CCR5AS: variants seen among roughly 807,000 people sequenced by gnomAD.
CCR5AS encodes the protein CCR5 antisense RNA.
chr3:46,387,407 C>T (rs1175107702), intron 2 of CCR5AS, among the ~76,000 whole-genome samples: 2 of 152,186 alleles, frequency 1.3e-5, no homozygotes, highest in Non-Finnish European at 2.9e-5. Context: ...CAAACCTGAG[C>T]CATCCTCTTC....
intron 2 of CCR5AS, chr3:46,373,481 C>G (rs56345960): frequency 1.5e-6 from 2 of 1,316,402 alleles, no homozygotes; most frequent in African/African-American, 2.8e-5. Flanking sequence ...GGAAGAATTT[C>G]CAGACATTAA....
intron 2 of CCR5AS, among the ~76,000 whole-genome samples, chr3:46,378,134 G>A (rs1354050227): frequency 2.0e-5 from 3 of 152,270 alleles, no homozygotes; most frequent in South Asian, 4.1e-4. Context: ...AGGCAAAAAC[G>A]TGAAAACATT....
At position 46,393,564 on chromosome 3, in the gene CCR5AS, T is replaced by C. The variant is rs529379586; in HGVS notation, n.164-512A>G. ...AAATTATAGGGAAAAGTGTCACTAA[T>C]TCAAGGGAATTGCACTGAAAATTAT... is the stretch of plus-strand genomic sequence containing the variant. On this transcript the variant is annotated intron_variant and non_coding_transcript_variant, in intron 1 of 3. Transcript: ENST00000451485. Among the ~76,000 whole-genome samples the C allele has an allele frequency of 4.6e-5, 7 of 152,220 alleles. No individual in the cohort carries two copies. The South Asian group carries it at 1.5e-3, about 32-fold the overall frequency.
intron 3 of CCR5AS, among the ~76,000 whole-genome samples, chr3:46,368,197 G>T (rs1701618475): frequency 2.0e-5 from 3 of 152,198 alleles, no homozygotes; most frequent in Admixed American, 2.0e-4. Context: ...CCAAAAAGGA[G>T]GGATGGCACG....
At chr3:46,377,500 A>G (rs1169342037) in intron 2 of CCR5AS, among the ~76,000 whole-genome samples, 2 of 152,240 alleles carry the variant, frequency 1.3e-5, no homozygotes, top group Non-Finnish European at 2.9e-5. Flanking sequence ...CTTAGTTTAA[A>G]TCGCTCTGAA....
chr3:46,403,753 C>T (rs1018339503), intron 1 of CCR5AS, among the ~76,000 whole-genome samples: 2 of 152,196 alleles, frequency 1.3e-5, no homozygotes, highest in Admixed American at 6.5e-5. Flanking sequence ...GGAAGACGCT[C>T]TTGGAGTGCC....
At chr3:46,366,400 G>A (rs745439308) in intron 3 of CCR5AS, among the ~76,000 whole-genome samples, 1 of 152,194 alleles carries the variant, frequency 6.6e-6, no homozygotes, top group Non-Finnish European at 1.5e-5. Flanking sequence ...TGAACTGTTA[G>A]CTTAGACATC....
At chr3:46,388,938 T>C (rs1701884768) in intron 2 of CCR5AS, among the ~76,000 whole-genome samples, 1 of 152,124 alleles carries the variant, frequency 6.6e-6, no homozygotes, top group African/African-American at 2.4e-5. Context: ...GGATTGGGGA[T>C]AGTACCAGGA....
rs184279915 is a variant in CCR5AS, at chr3:46,373,708, G to T, written n.392-2291C>A. ...CAGGAATTCTTTGGCCTGAATAATT[G>T]CAGTAGCTCTAACAGGTTGGACCAA... On this transcript the variant is annotated intron_variant and non_coding_transcript_variant, in intron 2 of 3. Transcript: ENST00000451485. The T allele has an allele frequency of 4.3e-6, 7 of 1,614,080 alleles. No homozygotes were observed. The East Asian group carries it at 1.3e-4, about 31-fold the overall frequency.
chr3:46,386,728 TATA>T (rs1701866226), intron 2 of CCR5AS, among the ~76,000 whole-genome samples: 1 of 152,256 alleles, frequency 6.6e-6, no homozygotes. Flanking sequence ...ACTGACTAGA[TATA>T]ATATTATGTT....
intron 1 of CCR5AS, among the ~76,000 whole-genome samples, chr3:46,393,823 A>G (rs1044687468): frequency 1.1e-4 from 16 of 152,226 alleles, no homozygotes; most frequent in African/African-American, 2.9e-4. Flanking sequence ...CTCAGCTAAA[A>G]CCTGAGAACC....
intron 1 of CCR5AS, among the ~76,000 whole-genome samples, chr3:46,393,849 G>A (rs1701937116): frequency 6.6e-6 from 1 of 152,234 alleles, no homozygotes; most frequent in South Asian, 2.1e-4. Flanking sequence ...TGAGCCTTCT[G>A]ATATCTCAGG....
In CCR5AS at chr3:46,389,555, G is replaced by C. The variant is rs188382831; in HGVS notation, n.391+3270C>G. The stretch of plus-strand genomic sequence containing the variant: ...GATAAAGGCAACAGGTCGTGGGCCT[G>C]GATCCTGTGTGAGGACTCTAGCAGC... On this transcript the variant is annotated intron_variant and non_coding_transcript_variant, in intron 2 of 3. Coordinates refer to ENST00000451485, the Ensembl canonical transcript of CCR5AS. Among the ~76,000 whole-genome samples, 5 of 152,342 alleles carry C rather than the reference G, an allele frequency of 3.3e-5. No individual in the cohort carries two copies. In the East Asian group the frequency reaches 7.7e-4, roughly 23 times the overall value.
At chr3:46,380,622 A>G (rs1701806972) in intron 2 of CCR5AS, among the ~76,000 whole-genome samples, 1 of 152,182 alleles carries the variant, frequency 6.6e-6, no homozygotes, top group African/African-American at 2.4e-5. Context: ...GCATGTTTTG[A>G]TGGTGCTTCC....
At chr3:46,367,777 G>A (rs558915337) in intron 3 of CCR5AS, among the ~76,000 whole-genome samples, 37 of 152,300 alleles carry the variant, frequency 2.4e-4, no homozygotes, top group African/African-American at 8.7e-4. Flanking sequence ...TCACCATGCT[G>A]GCCAGGTTGG....
chr3:46,381,934 A>C (rs1304247794), intron 2 of CCR5AS, among the ~76,000 whole-genome samples: 1 of 152,234 alleles, frequency 6.6e-6, no homozygotes, highest in East Asian at 1.9e-4. Flanking sequence ...TTACTGATAC[A>C]GGAGCTAAAA....
At chr3:46,381,459 TAC>T (rs933805997) in intron 2 of CCR5AS, among the ~76,000 whole-genome samples, 10 of 152,146 alleles carry the variant, frequency 6.6e-5, no homozygotes, top group Non-Finnish European at 1.3e-4. Flanking sequence ...TAAACACATG[TAC>T]ACACACACAA....
At chr3:46,372,558 G>A in intron 2 of CCR5AS, 1 of 183,812 alleles carries the variant, frequency 5.4e-6, no homozygotes, top group Non-Finnish European at 1.1e-5. Flanking sequence ...CAAAAAGGCT[G>A]AGCTGCACCA....
intron 1 of CCR5AS, among the ~76,000 whole-genome samples, chr3:46,405,031 A>T (rs1277922775): frequency 6.6e-6 from 1 of 152,224 alleles, no homozygotes; most frequent in African/African-American, 2.4e-5. Flanking sequence ...GCAGAATGTG[A>T]TGTCGTTTCA....
Sources: allele counts gnomAD v4.1 joint callset (sites outside exome capture counted in the v4.1 genomes callset), GRCh38; gene constraint gnomAD v4.1.1; transcripts MANE v1.5; gene names NCBI Gene and HGNC (gene_info 2026-07-23, HGNC 2026-07-21).